LINGO2: variants seen among roughly 807,000 people sequenced by gnomAD.
LINGO2 encodes leucine-rich repeat and immunoglobulin-like domain-containing nogo receptor-interacting protein 2.
A neutral mutation model predicts 30.6 loss-of-function variants in LINGO2; 14 were observed. That is an observed-to-expected ratio of 0.46 (90% CI 0.30 to 0.72). LINGO2 has a LOEUF of 0.72. LINGO2 is among the 30% of genes least tolerant of loss of function. LINGO2 has a pLI of 0.07. For missense variants in LINGO2, 729 were observed against 751.7 expected (o/e 0.97, Z 0.35); for synonymous variants, 317 against 288.5 (o/e 1.10, Z -1.00).
chr9:28,337,466 A>T (rs187571281), intron 3 of LINGO2, among the ~76,000 whole-genome samples: 2 of 152,176 alleles, frequency 1.3e-5, no homozygotes, highest in African/African-American at 4.8e-5. Context: ...AGCTGCAGAA[A>T]TTTGTATAAG....
the LINGO2 span, among the ~76,000 whole-genome samples, chr9:29,210,147 G>C: frequency 6.6e-6 from 1 of 152,066 alleles, no homozygotes. Flanking sequence ...ATGGTTTTCT[G>C]GTCCATGACA....
At chr9:29,057,246 T>C in the LINGO2 span, among the ~76,000 whole-genome samples, 7 of 152,174 alleles carry the variant, frequency 4.6e-5, no homozygotes, top group South Asian at 2.1e-4. Flanking sequence ...TTTCCATTTG[T>C]TTGTGTCATC....
intron 3 of LINGO2, among the ~76,000 whole-genome samples, chr9:28,368,754 G>T (rs1011940355): frequency 2.0e-5 from 3 of 151,422 alleles, no homozygotes; most frequent in Admixed American, 1.3e-4. Flanking sequence ...CCGCCACCAC[G>T]CCCGGCTAAT....
At chr9:28,560,850 T>C (rs1028770754) in intron 1 of LINGO2, among the ~76,000 whole-genome samples, 1 of 151,766 alleles carries the variant, frequency 6.6e-6, no homozygotes, top group Non-Finnish European at 1.5e-5. Flanking sequence ...TGTGTGTGTG[T>C]TTTTGGTAGA....
chr9:28,869,607 T>C, the LINGO2 span, among the ~76,000 whole-genome samples: 1 of 152,164 alleles, frequency 6.6e-6, no homozygotes, highest in African/African-American at 2.4e-5. Flanking sequence ...TCCAGTGGTT[T>C]GAACTGTGTG....
At chr9:28,155,030 G>A (rs1454699251) in intron 4 of LINGO2, among the ~76,000 whole-genome samples, 1 of 152,130 alleles carries the variant, frequency 6.6e-6, no homozygotes, top group Non-Finnish European at 1.5e-5. Flanking sequence ...TCTTGTTATT[G>A]AAACTTGATG....
chr9:28,164,807 T>C (rs757010480), intron 4 of LINGO2, among the ~76,000 whole-genome samples: 13 of 152,176 alleles, frequency 8.5e-5, no homozygotes, highest in South Asian at 4.1e-4. Flanking sequence ...CTTGAACTGC[T>C]CCCTTAGCCC....
At chr9:28,971,332 G>T in the LINGO2 span, among the ~76,000 whole-genome samples, 1 of 152,294 alleles carries the variant, frequency 6.6e-6, no homozygotes, top group African/African-American at 2.4e-5. Flanking sequence ...AGCAAGCCAG[G>T]ATGTTGGGGT....
chr9:28,297,997 T>C (rs1222545054), intron 3 of LINGO2, among the ~76,000 whole-genome samples: 3 of 152,170 alleles, frequency 2.0e-5, no homozygotes, highest in Admixed American at 2.0e-4. Flanking sequence ...TAAAAGGAGA[T>C]ACAAAATTAA....
At chr9:28,931,805 G>T in the LINGO2 span, among the ~76,000 whole-genome samples, 112,461 of 151,918 alleles carry the variant, frequency 0.74, 41,773 homozygotes, top group Non-Finnish European at 0.78. Flanking sequence ...AAATAAAACA[G>T]TTGCTTCAAA....
the LINGO2 span, among the ~76,000 whole-genome samples, chr9:28,855,310 G>T: frequency 6.6e-6 from 1 of 152,130 alleles, no homozygotes; most frequent in South Asian, 2.1e-4. Context: ...TAGGTAAATG[G>T]ATTTTTAAAA....
At chr9:29,119,364 C>CGCACACACAT in the LINGO2 span, among the ~76,000 whole-genome samples, 3 of 87,840 alleles carry the variant, frequency 3.4e-5, no homozygotes, top group African/African-American at 1.3e-4. Context: ...CACGTGTGCG[C>CGCACACACAT]GCACACACAC....
the LINGO2 span, among the ~76,000 whole-genome samples, chr9:28,757,744 T>C: frequency 6.6e-6 from 1 of 151,640 alleles, no homozygotes; most frequent in Non-Finnish European, 1.5e-5. Context: ...AGTCCAGGGG[T>C]GGGAGGGGTG....
intron 1 of LINGO2, among the ~76,000 whole-genome samples, chr9:28,603,600 C>T (rs1042352139): frequency 3.3e-5 from 5 of 151,898 alleles, no homozygotes; most frequent in African/African-American, 1.2e-4. Context: ...TTGTGAGGCA[C>T]CTGATTATAA....
chr9:28,446,668 C>T (rs1378700760), intron 2 of LINGO2, among the ~76,000 whole-genome samples: 3 of 152,172 alleles, frequency 2.0e-5, no homozygotes, highest in Non-Finnish European at 4.4e-5. Flanking sequence ...CTGCAAAAGC[C>T]TTCAAACTGG....
chr9:28,029,527 A>G (rs927563630), intron 4 of LINGO2, among the ~76,000 whole-genome samples: 1 of 152,232 alleles, frequency 6.6e-6, no homozygotes, highest in Non-Finnish European at 1.5e-5. Context: ...TACCACTCTG[A>G]GTACCAGCAG....
chr9:29,009,713 G>T, the LINGO2 span, among the ~76,000 whole-genome samples: 48 of 152,222 alleles, frequency 3.2e-4, no homozygotes, highest in Middle Eastern at 3.4e-3. Context: ...AAAAGAGCCT[G>T]CATTGCCAAG....
chr9:28,925,429 C>T, the LINGO2 span, among the ~76,000 whole-genome samples: 1 of 152,098 alleles, frequency 6.6e-6, no homozygotes, highest in Non-Finnish European at 1.5e-5. Flanking sequence ...GTCTATGTGA[C>T]CAAGTGCCAG....
At chr9:28,356,129 T>C (rs1820199243) in intron 3 of LINGO2, among the ~76,000 whole-genome samples, 1 of 152,198 alleles carries the variant, frequency 6.6e-6, no homozygotes, top group South Asian at 2.1e-4. Flanking sequence ...GTTGCTAAAA[T>C]GTCTTAATTG....
Sources: allele counts gnomAD v4.1 joint callset (sites outside exome capture counted in the v4.1 genomes callset), GRCh38; gene constraint gnomAD v4.1.1; transcripts MANE v1.5; gene names NCBI Gene and HGNC (gene_info 2026-07-23, HGNC 2026-07-21).